USP32: variants seen among roughly 807,000 people sequenced by gnomAD.
USP32 encodes ubiquitin carboxyl-terminal hydrolase 32.
Under a neutral mutation model 204.8 loss-of-function variants are expected in USP32, and 59 were observed. That is an observed-to-expected ratio of 0.29 (90% CI 0.23 to 0.36). The LOEUF is 0.36. Ranked by LOEUF, USP32 falls within the 10% of genes least tolerant of loss-of-function variation. USP32 has a pLI of 1.00. For missense variants in USP32, 1,160 were observed against 1,946.4 expected (o/e 0.60, Z 7.60); for synonymous variants, 517 against 678.4 (o/e 0.76, Z 3.70).
chr17:60,239,321 CTTTG>C (rs552948072), intron 11 of USP32, among the ~76,000 whole-genome samples: 3 of 152,154 alleles, frequency 2.0e-5, no homozygotes, highest in Non-Finnish European at 4.4e-5. Flanking sequence ...GTGTGGATCA[CTTTG>C]TTTATCTTTC....
intron 8 of USP32, among the ~76,000 whole-genome samples, chr17:60,265,704 A>G (rs1227325169): frequency 6.6e-6 from 1 of 152,180 alleles, no homozygotes; most frequent in African/African-American, 2.4e-5. Flanking sequence ...GGCCTTGCTC[A>G]AGTATTTTTA....
intron 1 of USP32, among the ~76,000 whole-genome samples, chr17:60,375,439 G>C (rs2089521255): frequency 6.6e-6 from 1 of 152,020 alleles, no homozygotes; most frequent in Non-Finnish European, 1.5e-5. Context: ...TTATCATTGA[G>C]TACTTAAAGG....
rs2089939805 is a variant in USP32 at position 60,402,094 on chromosome 17, G to A, written c.106+20152C>T. Reference sequence around the variant, plus strand: ...GGGCAAAGTGAAATTCTAGTTAATAGGTCACTGTGTGCATGTATTAGCTGC... The same window carrying A: ...GGGCAAAGTGAAATTCTAGTTAATAAGTCACTGTGTGCATGTATTAGCTGC... On this transcript the variant is annotated intron_variant, in intron 1 of 3. Transcript: ENST00000588898. Among the ~76,000 whole-genome samples, 3 of 152,064 alleles carry A rather than the reference G, an allele frequency of 2.0e-5. 1 individual carries two copies. Among genetic ancestry groups the A allele is most frequent in the Non-Finnish European group, 2.9e-5 (2 of 68,016 alleles).
At chr17:60,321,805 C>G (rs1332676626) in intron 2 of USP32, among the ~76,000 whole-genome samples, 4 of 151,776 alleles carry the variant, frequency 2.6e-5, no homozygotes, top group African/African-American at 9.7e-5. Flanking sequence ...TAACAGTGAC[C>G]ATTCGTTGTG....
rs2088511973 is a variant in USP32 at position 60,336,201 on chromosome 17, G to A, written c.186+9280C>T. ...ACAAGGAGTTCACTAGTCCCATTAC[G>A]CTTAACTATATGTTAGATCTTCTAT... On this transcript the variant is annotated intron_variant, in intron 2 of 33. Coordinates refer to ENST00000300896, the MANE Select transcript of USP32 (RefSeq NM_032582.4). 3.5e-5 allele frequency among the ~76,000 whole-genome samples: 5 copies of A among 142,848 alleles called. No individual in the cohort carries two copies. The South Asian group carries it at 8.5e-4, about 24-fold the overall frequency. 93.7% of individuals were successfully genotyped at this position (142,848 alleles called of 152,430 possible). A position where few individuals can be genotyped will look rare whatever the true frequency, so the allele number is the denominator to read the frequency against.
chr17:60,287,815 A>C lies in USP32; in HGVS notation c.571+708T>G, dbSNP rs557043000. On this transcript the variant is annotated intron_variant, in intron 5 of 33. Transcript: ENST00000300896. Reference sequence around the variant, plus strand: ...ATTTTGAAAAAAACAAAACACTGACAAAAAAAAAATTTCTCAGGCCGGGCA... The same window carrying C: ...ATTTTGAAAAAAACAAAACACTGACCAAAAAAAAATTTCTCAGGCCGGGCA... 2.0e-5 allele frequency among the ~76,000 whole-genome samples: 3 copies of C among 150,350 alleles called. No homozygotes were observed. The South Asian group carries it at 6.3e-4, about 32-fold the overall frequency.
chr17:60,348,463 AG>A (rs759194383), intron 1 of USP32, among the ~76,000 whole-genome samples: 8 of 152,310 alleles, frequency 5.3e-5, no homozygotes, highest in South Asian at 2.1e-4. Flanking sequence ...TATCAAGTTA[AG>A]GCAGAAAGGA....
At chr17:60,229,796 T>C (rs998091382) in intron 12 of USP32, among the ~76,000 whole-genome samples, 1 of 152,218 alleles carries the variant, frequency 6.6e-6, no homozygotes, top group Non-Finnish European at 1.5e-5. Context: ...ATAAAGTTGA[T>C]GCATTACAAA....
At chr17:60,384,282 A>T (rs1406582120) in intron 1 of USP32, among the ~76,000 whole-genome samples, 1 of 152,226 alleles carries the variant, frequency 6.6e-6, no homozygotes, top group Non-Finnish European at 1.5e-5. Context: ...AGGCAACCAT[A>T]GCAAATGTTA....
intron 1 of USP32, among the ~76,000 whole-genome samples, chr17:60,404,695 A>G (rs2089961942): frequency 6.6e-6 from 1 of 152,220 alleles, no homozygotes; most frequent in Non-Finnish European, 1.5e-5. Flanking sequence ...AGAGACTGGG[A>G]TTAGCTGCCT....
In USP32 at chr17:60,255,366, T is replaced by G; in HGVS notation, c.991-108A>C. The G allele has an allele frequency of 1.3e-5, 10 of 794,940 alleles. 1 individual carries two copies. The East Asian group carries it at 3.0e-4, about 24-fold the overall frequency. 49.2% of individuals were successfully genotyped at this position (794,940 alleles called of 1,614,324 possible). A position where few individuals can be genotyped will look rare whatever the true frequency, so the allele number is the denominator to read the frequency against. ...GGGCTGGAGTGCAATGGCACGATCT[T>G]GGCTCACTGAAACCTCGGCCTCCTG... On this transcript the variant is annotated intron_variant, in intron 9 of 33. Transcript: ENST00000300896.
upstream of USP32, among the ~76,000 whole-genome samples, chr17:60,393,945 G>T (rs1316822548): frequency 2.0e-5 from 3 of 152,102 alleles, no homozygotes; most frequent in Non-Finnish European, 4.4e-5. Flanking sequence ...CAGCCTCCCA[G>T]AGTGCTGGGA....
intron 1 of USP32, among the ~76,000 whole-genome samples, chr17:60,372,738 A>G (rs987583576): frequency 1.3e-5 from 2 of 150,938 alleles, no homozygotes; most frequent in Non-Finnish European, 3.0e-5. Context: ...AAGCTACTGA[A>G]GACATTGAGG....
rs569192183 is a variant in USP32, at chr17:60,205,759, A to G, written c.3038-101T>C. On this transcript the variant is annotated intron_variant, in intron 25 of 33. Coordinates refer to ENST00000300896, the MANE Select transcript of USP32 (RefSeq NM_032582.4). ...GGACCAGAGACAGTGTAGTCTCTTA[A>G]CACAGGGCAGGGAGAAATCACAGTA... is the stretch of plus-strand genomic sequence containing the variant. The G allele has an allele frequency of 7.9e-5, 88 of 1,119,854 alleles. No individual in the cohort carries two copies. In the South Asian group the frequency reaches 1.3e-3, roughly 16 times the overall value. 69.4% of individuals were successfully genotyped at this position (1,119,854 alleles called of 1,614,324 possible). A position where few individuals can be genotyped will look rare whatever the true frequency, so the allele number is the denominator to read the frequency against.
intron 1 of USP32, among the ~76,000 whole-genome samples, chr17:60,373,666 G>T (rs1393833170): frequency 6.6e-6 from 1 of 151,792 alleles, no homozygotes; most frequent in African/African-American, 2.4e-5. Context: ...AGCCTGGCTG[G>T]TCTCAAACTC....
intron 9 of USP32, chr17:60,256,852 CTTA>C: frequency 1.4e-6 from 1 of 722,106 alleles, no homozygotes; most frequent in Non-Finnish European, 2.0e-6. Context: ...CATTAATCAA[CTTA>C]TTATTCCTCA....
chr17:60,408,118 A>C (rs886261738), intron 1 of USP32, among the ~76,000 whole-genome samples: 1 of 151,978 alleles, frequency 6.6e-6, no homozygotes, highest in Non-Finnish European at 1.5e-5. Flanking sequence ...AGAAAGAAAA[A>C]GAAAAACAAT....
chr17:60,333,457 G>A (rs995306739), intron 2 of USP32, among the ~76,000 whole-genome samples: 3 of 151,942 alleles, frequency 2.0e-5, no homozygotes, highest in Non-Finnish European at 4.4e-5. Context: ...AAAATTAGCC[G>A]GGCATGGTGG....
chr17:60,222,677 ATTTTTTTTTTTT>A, intron 14 of USP32, 128 bp from the exon 15 acceptor site: 1 of 471,122 alleles, frequency 2.1e-6, no homozygotes, highest in Non-Finnish European at 3.5e-6. Context: ...GAAAAACTTA[ATTTTTTTTTTTT>A]TTTTTTTTTT....
Sources: gnomAD v4.1 joint callset for allele counts (sites outside exome capture counted in the v4.1 genomes callset) on GRCh38, gnomAD v4.1.1 for gene constraint, MANE v1.5 for transcripts, NCBI Gene and HGNC (gene_info 2026-07-23, HGNC 2026-07-21) for gene names.